Variants in ZNF423 observed in about 807,000 individuals in gnomAD.
The protein encoded by ZNF423 is Ebf-associated zinc finger protein.
In ZNF423, 12 loss-of-function variants were observed where a neutral mutation model predicts 95.8. The observed-to-expected ratio is 0.13, with a 90% confidence interval of 0.08 to 0.20. ZNF423 has a LOEUF of 0.20. Among genes scored for constraint, ZNF423 ranks in the 10% least tolerant of loss-of-function variants. ZNF423 has a pLI of 1.00. For synonymous variants in ZNF423, 749 were observed against 711.9 expected (o/e 1.05, Z -0.83); for missense variants, 1,316 against 1,737.1 (o/e 0.76, Z 4.31).
intron 5 of ZNF423, among the ~76,000 whole-genome samples, chr16:49,566,370 A>G (rs1229785242): frequency 6.6e-6 from 1 of 152,124 alleles, no homozygotes; most frequent in African/African-American, 2.4e-5. Context: ...CTGGGGCAGG[A>G]CTCACACCCT....
chr16:49,592,566 T>C (rs577986382), intron 5 of ZNF423, among the ~76,000 whole-genome samples: 18 of 152,250 alleles, frequency 1.2e-4, no homozygotes, highest in Non-Finnish European at 2.1e-4. Context: ...TCTTTTTCCC[T>C]GGCCTGGGCC....
intron 5 of ZNF423, among the ~76,000 whole-genome samples, chr16:49,543,751 G>A (rs1969340576): frequency 6.6e-6 from 1 of 152,208 alleles, no homozygotes; most frequent in Non-Finnish European, 1.5e-5. Flanking sequence ...GGACTGCCCA[G>A]GGCTGTAAAC....
chr16:49,700,454 C>T (rs139991825), intron 3 of ZNF423, among the ~76,000 whole-genome samples: 1 of 152,278 alleles, frequency 6.6e-6, no homozygotes, highest in Non-Finnish European at 1.5e-5. Flanking sequence ...CATGACACCC[C>T]AGGAGGCACA....
chr16:49,740,308 T>C (rs1427209477), intron 2 of ZNF423, among the ~76,000 whole-genome samples: 1 of 152,182 alleles, frequency 6.6e-6, no homozygotes, highest in Non-Finnish European at 1.5e-5. Context: ...CAGTGTTCGT[T>C]TGGGTCCTGC....
chr16:49,699,751 G>A (rs904662641), intron 3 of ZNF423, among the ~76,000 whole-genome samples: 4 of 152,182 alleles, frequency 2.6e-5, no homozygotes, highest in African/African-American at 7.2e-5. Context: ...ATCCCCACTG[G>A]ATGAAAATTG....
At chr16:49,642,810 T>C (rs1244660752) in intron 3 of ZNF423, among the ~76,000 whole-genome samples, 3 of 147,766 alleles carry the variant, frequency 2.0e-5, no homozygotes, top group Admixed American at 6.7e-5. Flanking sequence ...TCTTTTTTTT[T>C]TTTTTTTTTT....
In ZNF423 at chr16:49,684,385, A is replaced by G. The variant is rs537955363; in HGVS notation, c.302-45511T>C. 3.9e-5 allele frequency among the ~76,000 whole-genome samples: 6 copies of G among 152,322 alleles called. No homozygotes were observed. In the East Asian group the frequency reaches 1.2e-3, roughly 29 times the overall value. On this transcript the variant is annotated intron_variant, in intron 3 of 7. Coordinates refer to ENST00000563137, the MANE Select transcript of ZNF423 (RefSeq NM_001379286.1). ...TATATCAGGGATATTTAGATTCTCA[A>G]ATTGCCCTGGGGAAAATTAAAGAGA...
intron 5 of ZNF423, among the ~76,000 whole-genome samples, chr16:49,611,425 G>A (rs891562145): frequency 6.6e-6 from 1 of 152,082 alleles, no homozygotes; most frequent in Admixed American, 6.5e-5. Context: ...AAGCTCATGG[G>A]AATTTTTTAA....
intron 3 of ZNF423, among the ~76,000 whole-genome samples, chr16:49,715,355 G>A (rs979703093): frequency 6.6e-6 from 1 of 152,192 alleles, no homozygotes; most frequent in Admixed American, 6.5e-5. Flanking sequence ...AAGTGAGAGA[G>A]CTATCCACGT....
chr16:49,737,064 T>G (rs982922480), intron 2 of ZNF423, among the ~76,000 whole-genome samples: 18 of 152,032 alleles, frequency 1.2e-4, no homozygotes, highest in Non-Finnish European at 1.5e-5. Flanking sequence ...TGGTACCATT[T>G]TACACTCACA....
At chr16:49,854,744 C>A (rs1465917161) in intron 1 of ZNF423, 4 of 985,290 alleles carry the variant, frequency 4.1e-6, no homozygotes, top group African/African-American at 3.5e-5. Context: ...CGCGGCCTTT[C>A]CCCGGGGCCT....
At chr16:49,667,434 T>G (rs1429747840) in intron 3 of ZNF423, among the ~76,000 whole-genome samples, 1 of 152,206 alleles carries the variant, frequency 6.6e-6, no homozygotes, top group Non-Finnish European at 1.5e-5. Flanking sequence ...TAAAAGAAAT[T>G]AAACAGGGTA....
intron 1 of ZNF423, among the ~76,000 whole-genome samples, chr16:49,843,586 T>C (rs955266767): frequency 3.9e-5 from 6 of 152,138 alleles, no homozygotes; most frequent in Non-Finnish European, 8.8e-5. Context: ...TAGGAAAACA[T>C]AGAAAACTAG....
intron 1 of ZNF423, among the ~76,000 whole-genome samples, chr16:49,812,161 A>G (rs994604869): frequency 6.6e-6 from 1 of 152,208 alleles, no homozygotes; most frequent in African/African-American, 2.4e-5. Flanking sequence ...AAGAAAACCT[A>G]TACTCAGAGA....
intron 3 of ZNF423, among the ~76,000 whole-genome samples, chr16:49,663,088 C>T (rs1034434309): frequency 2.0e-5 from 3 of 152,158 alleles, no homozygotes; most frequent in Non-Finnish European, 4.4e-5. Context: ...AGAGTCCTCC[C>T]GAGTCTGCAG....
At chr16:49,599,420 C>A (rs1006409770) in intron 5 of ZNF423, among the ~76,000 whole-genome samples, 11 of 152,200 alleles carry the variant, frequency 7.2e-5, no homozygotes, top group Non-Finnish European at 1.5e-4. Context: ...ACCATAGATT[C>A]CTTAATCCCC....
At chr16:49,803,497 C>T (rs190330577) in intron 1 of ZNF423, among the ~76,000 whole-genome samples, 5 of 152,194 alleles carry the variant, frequency 3.3e-5, no homozygotes, top group Admixed American at 2.6e-4. Context: ...CATTTTTAGG[C>T]TTTTGGGATA....
At chr16:49,627,095 A>T (rs1283682867) in intron 4 of ZNF423, among the ~76,000 whole-genome samples, 1 of 100,474 alleles carries the variant, frequency 1.0e-5, no homozygotes, top group Non-Finnish European at 2.0e-5. Context: ...CATCTACATA[A>T]TACCCACCCA....
intron 5 of ZNF423, among the ~76,000 whole-genome samples, chr16:49,563,049 CTGGA>C (rs1254953305): frequency 6.6e-6 from 1 of 151,816 alleles, no homozygotes; most frequent in African/African-American, 2.4e-5. Context: ...TCCCAAAGTG[CTGGA>C]ATTACAGGCA....
Sources: gnomAD v4.1 joint callset for allele counts (sites outside exome capture counted in the v4.1 genomes callset) on GRCh38, gnomAD v4.1.1 for gene constraint, MANE v1.5 for transcripts, NCBI Gene and HGNC (gene_info 2026-07-23, HGNC 2026-07-21) for gene names.